Variants in RUNX1 observed in about 807,000 individuals in gnomAD.
The protein encoded by RUNX1 is runt-related transcription factor 1.
A neutral mutation model predicts 42.8 loss-of-function variants in RUNX1; 19 were observed. The ratio of observed to expected loss-of-function variants is 0.44; its 90% CI spans 0.31 to 0.65. RUNX1 has a LOEUF of 0.65. RUNX1 is among the 30% of genes least tolerant of loss of function. RUNX1 has a pLI of 0.07. For missense variants in RUNX1, 528 were observed against 672.0 expected (o/e 0.79, Z 2.37); for synonymous variants, 271 against 289.4 (o/e 0.94, Z 0.64).
In RUNX1 at chr21:34,889,866, G is replaced by A. The variant is rs2058058493; in HGVS notation, c.98-2770C>T. On this transcript the variant is annotated intron_variant, in intron 3 of 8. Transcript: ENST00000675419. ...GAGTCCCTCCACGCCCTCCCTGCCG[G>A]GCCCTGCACCTCCCGGGGCCTCTCA... The A allele has an allele frequency of 2.8e-6, 3 of 1,081,844 alleles. No homozygotes were observed. In the East Asian group the frequency reaches 1.5e-4, roughly 53 times the overall value. 67.0% of individuals were successfully genotyped at this position (1,081,844 alleles called of 1,614,324 possible).
intron 7 of RUNX1, among the ~76,000 whole-genome samples, chr21:34,828,136 G>C (rs1435804058): frequency 7.9e-5 from 12 of 152,224 alleles, no homozygotes; most frequent in Non-Finnish European, 2.9e-5. Context: ...AAAACTGTAG[G>C]GGCAGGGCTG....
At position 34,792,534 on chromosome 21, in the gene RUNX1, G is replaced by A. The variant is rs773671764; in HGVS notation, c.1044C>T (p.His348=). The part of the protein sequence containing the change: ...ALPSISDPRM[H]YPGAFTYSPT... The stretch of plus-strand genomic sequence containing the variant: ...GGGAGTAGGTGAAGGCGCCTGGATA[G>A]TGCATGCGGGGGTCGGAGATGGAGG... Residue 348 remains histidine (H), a synonymous_variant, in exon 9 of 9, where the codon CAC becomes CAT. Coordinates refer to ENST00000675419, the MANE Select transcript of RUNX1 (RefSeq NM_001754.5). The surrounding 1 kb of genome is among the most constrained non-coding windows in gnomAD (Gnocchi z 6.9). 9 of 1,606,538 alleles carry A rather than the reference G, an allele frequency of 5.6e-6. No individual in the cohort carries two copies. In the African/African-American group the frequency reaches 1.1e-4, roughly 19 times the overall value.
chr21:34,829,099 A>C (rs2057029322), intron 7 of RUNX1, among the ~76,000 whole-genome samples: 2 of 152,200 alleles, frequency 1.3e-5, no homozygotes, highest in Admixed American at 1.3e-4. Flanking sequence ...TAACTTGCCA[A>C]AAGTCCTATA....
intron 7 of RUNX1, among the ~76,000 whole-genome samples, chr21:34,810,628 A>T (rs1252742537): frequency 6.6e-6 from 1 of 152,186 alleles, no homozygotes; most frequent in Non-Finnish European, 1.5e-5. Context: ...GTGCTGAAGC[A>T]AGTAACTTAA....
At chr21:34,826,434 C>CTTTTTTTTTTT (rs772880673) in intron 7 of RUNX1, among the ~76,000 whole-genome samples, 2 of 105,364 alleles carry the variant, frequency 1.9e-5, no homozygotes, top group African/African-American at 3.5e-5. Context: ...TTCTTTCTTT[C>CTTTTTTTTTTT]TTTTTTTTTT....
intron 7 of RUNX1, among the ~76,000 whole-genome samples, chr21:34,815,080 A>G (rs1429349796): frequency 1.3e-5 from 2 of 152,180 alleles, no homozygotes; most frequent in Non-Finnish European, 2.9e-5. Flanking sequence ...GAAAAAAAAA[A>G]TTAAAAAGCA....
At chr21:34,821,145 T>A in intron 7 of RUNX1, 2 of 892,334 alleles carry the variant, frequency 2.2e-6, no homozygotes, top group Non-Finnish European at 2.7e-6. Flanking sequence ...CTTTATCCAC[T>A]CTGGGGCTCC....
chr21:34,792,309 G>GGGGGGGCCCC lies in RUNX1; in HGVS notation c.1268_1269insGGGGCCCCCC (p.Ser424GlyfsTer179). ...AGGGCGGCAGGATGCGCGGCGGCGA[G>GGGGGGGCCCC]CGCTCGCCGCCCACCATGGAGAACT... On this transcript the variant is annotated frameshift_variant, in exon 9 of 9. Transcript: ENST00000675419. LOFTEE classifies it high-confidence loss of function. The surrounding 1 kb of genome is among the most constrained non-coding windows in gnomAD (Gnocchi z 6.9). 4 of 1,542,432 alleles carry GGGGGGGCCCC rather than the reference G, an allele frequency of 2.6e-6. No homozygotes were observed. Among genetic ancestry groups the GGGGGGGCCCC allele is most frequent in the Non-Finnish European group, 3.5e-6 (4 of 1,145,376 alleles).
intron 2 of RUNX1, among the ~76,000 whole-genome samples, chr21:34,896,440 T>C (rs941261189): frequency 6.6e-6 from 1 of 152,176 alleles, no homozygotes; most frequent in African/African-American, 2.4e-5. Context: ...CCCAGCACTT[T>C]GGGAGGCCAA....
chr21:34,899,161 A>T (rs1289564499), intron 2 of RUNX1, among the ~76,000 whole-genome samples: 1 of 152,200 alleles, frequency 6.6e-6, no homozygotes, highest in East Asian at 1.9e-4. Flanking sequence ...TGATCTGCCC[A>T]CCTCGGCCTC....
intron 5 of RUNX1, among the ~76,000 whole-genome samples, chr21:34,861,227 C>T (rs911519098): frequency 6.6e-6 from 1 of 152,170 alleles, no homozygotes; most frequent in Non-Finnish European, 1.5e-5. Context: ...GCTTTCCTAC[C>T]GTGGCATCTA....
In RUNX1 at chr21:34,792,109, G is replaced by A; in HGVS notation, c.*26C>T. 2.2e-6 allele frequency: 3 copies of A among 1,342,952 alleles called. No homozygotes were observed. Among genetic ancestry groups the A allele is most frequent in the African/African-American group, 1.6e-5 (1 of 64,374 alleles). The allele number at this position is 1,342,952 out of a possible 1,614,324, so 83.2% of individuals were successfully genotyped here. ...CGGAGGCGAAGGCGGCGGCCCGCGG[G>A]GCCCAGCCGGGCCAGGCCTGGCGCC... On this transcript the variant is annotated 3_prime_UTR_variant, in exon 9 of 9. Transcript: ENST00000675419. This position sits in a 1 kb window ranked among gnomAD's most constrained non-coding sequence, Gnocchi z 6.9.
intron 2 of RUNX1, among the ~76,000 whole-genome samples, chr21:35,048,533 C>T (rs1156231471): frequency 6.6e-6 from 1 of 152,244 alleles, no homozygotes; most frequent in Non-Finnish European, 1.5e-5. Flanking sequence ...TTCGTGCAAG[C>T]TTCATAATCT....
In RUNX1 at chr21:34,857,789, A is replaced by G. The variant is rs372631693; in HGVS notation, c.613+1685T>C. Among the ~76,000 whole-genome samples, 9 of 152,314 alleles carry G rather than the reference A, an allele frequency of 5.9e-5. No homozygotes were observed. In the South Asian group the frequency reaches 8.3e-4, roughly 14 times the overall value. On this transcript the variant is annotated intron_variant, in intron 6 of 8. Coordinates refer to ENST00000675419, the MANE Select transcript of RUNX1 (RefSeq NM_001754.5). ...TATGTTCTGTTTAATGCAGGGTTACATTAACGTAGGAATGTCCAGGTTGAC... is the reference window on the plus strand; with the variant it reads ...TATGTTCTGTTTAATGCAGGGTTACGTTAACGTAGGAATGTCCAGGTTGAC...
chr21:35,004,740 G>A (rs2059071379), intron 2 of RUNX1, among the ~76,000 whole-genome samples: 1 of 152,196 alleles, frequency 6.6e-6, no homozygotes, highest in Admixed American at 6.5e-5. Context: ...GGGAAACAGA[G>A]ACATTCAACT....
At chr21:34,859,688 A>G (rs1241822686) in intron 5 of RUNX1, 110 bp from the exon 6 acceptor site, 12 of 935,508 alleles carry the variant, frequency 1.3e-5, no homozygotes, top group Admixed American at 3.5e-5. Flanking sequence ...ACAAGTTACC[A>G]GTTTTGACAA....
At chr21:34,799,104 C>G (rs1377100881) in intron 8 of RUNX1, among the ~76,000 whole-genome samples, 197 bp downstream of exon 8, 2 of 152,234 alleles carry the variant, frequency 1.3e-5, no homozygotes, top group African/African-American at 4.8e-5. Context: ...CAAGCCACTT[C>G]TGCCTTCACA....
At chr21:34,956,286 A>G (rs927300793) in intron 2 of RUNX1, among the ~76,000 whole-genome samples, 1 of 152,258 alleles carries the variant, frequency 6.6e-6, no homozygotes, top group East Asian at 1.9e-4. Flanking sequence ...AAGAAGATAC[A>G]TTTTCTGGTT....
chr21:34,987,026 A>T (rs1479022164), intron 2 of RUNX1, among the ~76,000 whole-genome samples: 1 of 152,196 alleles, frequency 6.6e-6, no homozygotes, highest in East Asian at 1.9e-4. Context: ...TCACCCCACA[A>T]GGCTGCATGC....
Sources: allele counts gnomAD v4.1 joint callset (sites outside exome capture counted in the v4.1 genomes callset), GRCh38; gene constraint gnomAD v4.1.1; non-coding constraint Gnocchi (gnomAD v3.1); transcripts MANE v1.5; gene names NCBI Gene and HGNC (gene_info 2026-07-23, HGNC 2026-07-21).